LDAH: variants seen among roughly 807,000 people sequenced by gnomAD.
The protein encoded by LDAH is lipid droplet associated hydrolase.
LDAH carries 26 observed loss-of-function variants against 29.6 expected under a neutral mutation model. The observed-to-expected ratio is 0.88, with a 90% CI of 0.64 to 1.22. The LOEUF (loss-of-function observed/expected upper bound fraction) is 1.22, where lower values mean the gene tolerates loss of function less well. LDAH is among the 50% of genes most tolerant of loss of function. The pLI is 0.00. For synonymous variants in LDAH, 117 were observed against 133.0 expected (o/e 0.88, Z 0.83); for missense variants, 344 against 387.3 (o/e 0.89, Z 0.94).
At chr2:20,701,193 T>C (rs1210662692) in intron 6 of LDAH, among the ~76,000 whole-genome samples, 1 of 152,216 alleles carries the variant, frequency 6.6e-6, no homozygotes, top group Non-Finnish European at 1.5e-5. Context: ...AAAGGCTCAC[T>C]AGTCATGAGA....
At chr2:20,713,090 G>C (rs11679207) in intron 5 of LDAH, among the ~76,000 whole-genome samples, 33,710 of 152,030 alleles carry the variant, frequency 0.22, 4,512 homozygotes, top group East Asian at 0.35. Context: ...ATAATTGTCA[G>C]ATTCACCAAG....
intron 4 of LDAH, among the ~76,000 whole-genome samples, chr2:20,771,560 C>A (rs1572594822): frequency 1.3e-5 from 2 of 152,284 alleles, no homozygotes; most frequent in South Asian, 2.1e-4. Context: ...CTTAGAGTAG[C>A]CCAGAGACAC....
At position 20,689,394 on chromosome 2, in the gene LDAH, C is replaced by T. The variant is rs534755940; in HGVS notation, c.787-2300G>A. ...ATGGTTCTTAGCAGAGTAAGAACTT[C>T]TTTTGCTTCCTAGAGAATATGAGAG... On this transcript the variant is annotated intron_variant, in intron 6 of 6. Transcript: ENST00000237822. Among the ~76,000 whole-genome samples, 3 of 152,328 alleles carry T rather than the reference C, an allele frequency of 2.0e-5. No individual in the cohort carries two copies. In the South Asian group the frequency reaches 6.2e-4, roughly 32 times the overall value.
At chr2:20,736,492 T>C (rs756313825) in intron 5 of LDAH, among the ~76,000 whole-genome samples, 1 of 151,816 alleles carries the variant, frequency 6.6e-6, no homozygotes, top group Admixed American at 6.6e-5. Context: ...AAAACCAGAA[T>C]ACACTGCTGC....
intron 2 of LDAH, among the ~76,000 whole-genome samples, chr2:20,795,232 G>A (rs1456921557): frequency 6.6e-6 from 1 of 152,252 alleles, no homozygotes; most frequent in East Asian, 1.9e-4. Flanking sequence ...GGCCCTGACT[G>A]CTAATAATCT....
intron 1 of LDAH, among the ~76,000 whole-genome samples, chr2:20,804,414 A>T (rs1261558152): frequency 6.6e-6 from 1 of 152,254 alleles, no homozygotes; most frequent in Non-Finnish European, 1.5e-5. Flanking sequence ...AATGCTAATT[A>T]TAACAGTGAA....
intron 2 of LDAH, among the ~76,000 whole-genome samples, chr2:20,797,311 C>T (rs905457516): frequency 6.6e-6 from 1 of 152,176 alleles, no homozygotes; most frequent in Non-Finnish European, 1.5e-5. Flanking sequence ...GAAACTACCA[C>T]CTCCTTTCCC....
In LDAH at chr2:20,727,064, T is replaced by C. The variant is rs916593043; in HGVS notation, c.703+12907A>G. Among the ~76,000 whole-genome samples the C allele has an allele frequency of 1.5e-4, 23 of 152,300 alleles. 1 individual carries two copies. The highest frequency in any genetic ancestry group is 7.7e-4 in the East Asian group (4 of 5,190). Reference sequence around the variant, plus strand: ...TCCTTCATTCCTGAATTTTAGGTTATACTTGCATGAATCATTAAAAGCTGC... The same window carrying C: ...TCCTTCATTCCTGAATTTTAGGTTACACTTGCATGAATCATTAAAAGCTGC... On this transcript the variant is annotated intron_variant, in intron 5 of 6. Coordinates refer to ENST00000237822, the MANE Select transcript of LDAH (RefSeq NM_021925.4).
chr2:20,792,453 T>C (rs149772219), intron 2 of LDAH, among the ~76,000 whole-genome samples: 9 of 152,304 alleles, frequency 5.9e-5, no homozygotes, highest in Non-Finnish European at 1.2e-4. Flanking sequence ...TAAATAAATA[T>C]TTGATGACTG....
intron 4 of LDAH, among the ~76,000 whole-genome samples, chr2:20,758,869 A>G (rs1558449875): frequency 6.6e-6 from 1 of 152,232 alleles, no homozygotes; most frequent in Non-Finnish European, 1.5e-5. Flanking sequence ...TGTAAGGCAA[A>G]CACAGCAACT....
At chr2:20,696,144 C>T (rs142654183) in intron 6 of LDAH, among the ~76,000 whole-genome samples, 267 of 152,274 alleles carry the variant, frequency 1.8e-3, no homozygotes, top group African/African-American at 6.2e-3. Flanking sequence ...TTCAGAATAC[C>T]GAGGCTTGGC....
chr2:20,751,787 G>A (rs973230289), intron 4 of LDAH, among the ~76,000 whole-genome samples: 9 of 152,192 alleles, frequency 5.9e-5, no homozygotes, highest in African/African-American at 2.2e-4. Context: ...AGAATCAGAC[G>A]AAATTGTAAT....
In LDAH at chr2:20,808,639, TAG is replaced by T. The variant is rs1049504937; in HGVS notation, c.-2-7176_-2-7175del. ...TGCCACTGCACTCCAGCCTGCGCGA[TAG>T]AGAGAGACTCCGTCTCAAAAAAAAA... On this transcript the variant is annotated intron_variant, in intron 1 of 6. Transcript: ENST00000237822. Among the ~76,000 whole-genome samples, 20 of 133,702 alleles carry T rather than the reference TAG, an allele frequency of 1.5e-4. No homozygotes were observed. In the East Asian group the frequency reaches 3.8e-3, roughly 26 times the overall value. The allele number at this position is 133,702 out of a possible 152,430, so 87.7% of individuals were successfully genotyped here.
chr2:20,752,968 AAACAACGAC>A (rs1465124676), intron 4 of LDAH, among the ~76,000 whole-genome samples: 3 of 77,740 alleles, frequency 3.9e-5, no homozygotes, highest in Admixed American at 1.7e-4. Flanking sequence ...TTTGGAGAGA[AAACAACGAC>A]AACAACAACA....
chr2:20,704,393 G>A (rs1454093496), intron 5 of LDAH, among the ~76,000 whole-genome samples: 1 of 151,950 alleles, frequency 6.6e-6, no homozygotes. Context: ...TATATTTCAG[G>A]GAATTTATAA....
At chr2:20,720,146 A>C (rs1402049872) in intron 5 of LDAH, among the ~76,000 whole-genome samples, 1 of 152,188 alleles carries the variant, frequency 6.6e-6, no homozygotes, top group Non-Finnish European at 1.5e-5. Context: ...AAGAGTATCC[A>C]AATTGGAAAG....
chr2:20,742,544 C>T (rs143880513), intron 4 of LDAH, among the ~76,000 whole-genome samples: 12 of 152,288 alleles, frequency 7.9e-5, no homozygotes, highest in African/African-American at 2.4e-4. Flanking sequence ...TTTATCATTA[C>T]GTAATTACCT....
chr2:20,715,349 C>T (rs1477814507), intron 5 of LDAH, among the ~76,000 whole-genome samples: 1 of 152,120 alleles, frequency 6.6e-6, no homozygotes, highest in Non-Finnish European at 1.5e-5. Context: ...GCTAAAAACT[C>T]TCAATAAACT....
intron 4 of LDAH, among the ~76,000 whole-genome samples, chr2:20,770,771 G>A (rs1342197375): frequency 6.6e-5 from 10 of 152,126 alleles, no homozygotes; most frequent in Admixed American, 5.9e-4. Flanking sequence ...CAGGTTGAAG[G>A]AGCCATCAAT....
Sources: allele counts gnomAD v4.1 joint callset (sites outside exome capture counted in the v4.1 genomes callset), GRCh38; gene constraint gnomAD v4.1.1; transcripts MANE v1.5; gene names NCBI Gene and HGNC (gene_info 2026-07-23, HGNC 2026-07-21).